Variants in COMMD1 observed in about 807,000 individuals in gnomAD.
The protein encoded by COMMD1 is COMM domain-containing protein 1.
A neutral mutation model predicts 17.2 loss-of-function variants in COMMD1; 10 were observed. The observed-to-expected ratio is 0.58, with a 90% CI of 0.36 to 0.99. The LOEUF is 0.99. COMMD1 is among the 50% of genes least tolerant of loss of function. The pLI is 0.01. For missense variants in COMMD1, 270 were observed against 231.8 expected, an observed-to-expected ratio of 1.17 and a Z score of -1.07; for synonymous variants, 97 against 91.6, an observed-to-expected ratio of 1.06 and a Z score of -0.34.
At chr2:62,036,378 T>A (rs1370509278) in intron 2 of COMMD1, among the ~76,000 whole-genome samples, 1 of 152,224 alleles carries the variant, frequency 6.6e-6, no homozygotes, top group Admixed American at 6.5e-5. Flanking sequence ...AGAAAAAAAT[T>A]ACTTGCTTTT....
At chr2:62,030,146 G>T (rs995675047) in intron 2 of COMMD1, among the ~76,000 whole-genome samples, 1 of 152,228 alleles carries the variant, frequency 6.6e-6, no homozygotes, top group Non-Finnish European at 1.5e-5. Context: ...GTCCTTCTGG[G>T]TGTGGGCAGG....
chr2:61,936,695 A>G (rs775191030), intron 1 of COMMD1, among the ~76,000 whole-genome samples: 4 of 152,156 alleles, frequency 2.6e-5, no homozygotes, highest in Non-Finnish European at 5.9e-5. Context: ...TGGCTGCTGA[A>G]GTGCTGGGGT....
chr2:62,089,781 G>C (rs558918938), intron 2 of COMMD1, among the ~76,000 whole-genome samples: 1 of 152,246 alleles, frequency 6.6e-6, no homozygotes, highest in South Asian at 2.1e-4. Context: ...AGGAATTTGG[G>C]CAAGATAAAA....
chr2:61,953,788 CT>C (rs1671120436), intron 1 of COMMD1, among the ~76,000 whole-genome samples: 1 of 152,100 alleles, frequency 6.6e-6, no homozygotes, highest in Non-Finnish European at 1.5e-5. Flanking sequence ...TTCAATAATT[CT>C]AATAGATGTG....
chr2:61,993,820 A>G (rs1185246707), intron 1 of COMMD1, among the ~76,000 whole-genome samples: 1 of 152,244 alleles, frequency 6.6e-6, no homozygotes, highest in Admixed American at 6.5e-5. Flanking sequence ...TTTGTCACAG[A>G]TGAAATTATA....
chr2:62,055,696 G>A (rs1367744560), intron 2 of COMMD1, among the ~76,000 whole-genome samples: 1 of 152,244 alleles, frequency 6.6e-6, no homozygotes, highest in Non-Finnish European at 1.5e-5. Context: ...CATTGCTAAA[G>A]CTAAGAAGCC....
At chr2:61,952,733 C>T (rs1481231722) in intron 1 of COMMD1, among the ~76,000 whole-genome samples, 1 of 152,152 alleles carries the variant, frequency 6.6e-6, no homozygotes, top group East Asian at 1.9e-4. Flanking sequence ...TCTTTCTTTA[C>T]TGGACTGCTG....
intron 2 of COMMD1, among the ~76,000 whole-genome samples, chr2:62,013,990 A>T (rs929225325): frequency 6.6e-6 from 1 of 152,210 alleles, no homozygotes; most frequent in African/African-American, 2.4e-5. Context: ...CTGAACATAA[A>T]TTTTTTATAG....
chr2:62,129,738 C>T (rs1672973981), intron 2 of COMMD1, among the ~76,000 whole-genome samples: 1 of 152,184 alleles, frequency 6.6e-6, no homozygotes, highest in Admixed American at 6.5e-5. Flanking sequence ...CCCTCTTCCT[C>T]TTTCTCTCTT....
chr2:61,889,900 G>A (rs1221689583), intron 1 of COMMD1, among the ~76,000 whole-genome samples: 3 of 152,182 alleles, frequency 2.0e-5, no homozygotes, highest in African/African-American at 4.8e-5. Context: ...TTTATATCTC[G>A]TTTAGTCCTC....
intron 2 of COMMD1, among the ~76,000 whole-genome samples, chr2:62,126,121 A>G (rs150522970): frequency 0.05 from 7,629 of 152,250 alleles, 649 homozygotes; most frequent in African/African-American, 0.17. Flanking sequence ...TTATGACTGC[A>G]TAGTATTCCA....
chr2:62,099,573 CTT>C (rs1041648682), intron 2 of COMMD1, among the ~76,000 whole-genome samples: 14 of 143,656 alleles, frequency 9.7e-5, no homozygotes, highest in Admixed American at 1.4e-4. Flanking sequence ...CTATCTCTCT[CTT>C]TTTTTTTTTT....
intron 2 of COMMD1, among the ~76,000 whole-genome samples, chr2:62,003,600 ATT>A (rs1185622765): frequency 4.6e-5 from 5 of 109,532 alleles, no homozygotes; most frequent in Non-Finnish European, 5.4e-5. Context: ...TGTGACAGAT[ATT>A]TTTACACACA....
chr2:62,122,830 CTCTT>C (rs1280017419), intron 2 of COMMD1, among the ~76,000 whole-genome samples: 1 of 152,202 alleles, frequency 6.6e-6, no homozygotes, highest in Non-Finnish European at 1.5e-5. Context: ...CCCACTTTCT[CTCTT>C]CTTGGAAAGT....
intron 2 of COMMD1, among the ~76,000 whole-genome samples, chr2:62,068,112 A>G (rs181987380): frequency 1.6e-3 from 249 of 152,316 alleles, no homozygotes; most frequent in Non-Finnish European, 2.7e-3. Context: ...AGGTCACTAT[A>G]ATACTATATA....
At chr2:61,979,545 G>T (rs1380983267) in intron 1 of COMMD1, among the ~76,000 whole-genome samples, 1 of 152,062 alleles carries the variant, frequency 6.6e-6, no homozygotes, top group Non-Finnish European at 1.5e-5. Flanking sequence ...ATTCCCAAAA[G>T]AAACAAAATC....
chr2:61,983,498 C>A (rs1573030951), intron 1 of COMMD1, among the ~76,000 whole-genome samples: 2 of 151,938 alleles, frequency 1.3e-5, no homozygotes, highest in African/African-American at 4.8e-5. Context: ...CCTATAATGG[C>A]TTTTAATGCA....
intron 1 of COMMD1, among the ~76,000 whole-genome samples, chr2:61,921,983 T>C (rs570076972): frequency 2.0e-4 from 30 of 152,354 alleles, no homozygotes; most frequent in Middle Eastern, 6.8e-3. Context: ...TTCCTGTCGA[T>C]GTATTCTGTA....
At chr2:62,006,808 A>T (rs966674531) in intron 2 of COMMD1, among the ~76,000 whole-genome samples, 1 of 152,172 alleles carries the variant, frequency 6.6e-6, no homozygotes, top group African/African-American at 2.4e-5. Flanking sequence ...CTGGAACTTC[A>T]GTAGAGATTA....
Sources: gnomAD v4.1 joint callset for allele counts (sites outside exome capture counted in the v4.1 genomes callset) on GRCh38, gnomAD v4.1.1 for gene constraint, MANE v1.5 for transcripts, NCBI Gene and HGNC (gene_info 2026-07-23, HGNC 2026-07-21) for gene names.